Variants in HLA-DRB1 observed in about 807,000 individuals in gnomAD.
HLA-DRB1 encodes the protein major histocompatibility complex, class II, DR beta 1.
In HLA-DRB1, 10 loss-of-function variants were observed where a neutral mutation model predicts 27.9. The ratio of observed to expected loss-of-function variants is 0.36; its 90% confidence interval spans 0.22 to 0.61. The LOEUF (loss-of-function observed/expected upper bound fraction) is 0.61, where lower values mean the gene tolerates loss of function less well. Ranked by LOEUF, HLA-DRB1 falls within the 20% of genes least tolerant of loss-of-function variation. The pLI is 0.73. For missense variants in HLA-DRB1, 118 were observed against 306.3 expected (o/e 0.39, Z 4.59); for synonymous variants, 57 against 126.7 (o/e 0.45, Z 3.69).
At position 32,578,847 on chromosome 6, in the gene HLA-DRB1, T is replaced by G. The variant is rs34923246; in HGVS notation, c.*244A>C. 1,203 of 346,612 alleles carry G rather than the reference T, an allele frequency of 3.5e-3. 3 individuals are homozygous for G. The highest frequency in any genetic ancestry group is 0.021 in the Admixed American group (372 of 17,740). The allele number at this position is 346,612 out of a possible 1,614,324, so 21.5% of individuals were successfully genotyped here. On this transcript the variant is annotated 3_prime_UTR_variant, in exon 6 of 6. Transcript: ENST00000360004. ...GTGAATACAGATGCACGGGAGGCCA[T>G]ACGGTTTAGGCAAAGGGGAGCACAA...
intron 2 of HLA-DRB1, among the ~76,000 whole-genome samples, chr6:32,582,936 TA>T (rs1775775538): frequency 7.1e-6 from 1 of 140,138 alleles, no homozygotes; most frequent in Admixed American, 7.4e-5. Context: ...AGATGGATTG[TA>T]GATCATTAAT....
chr6:32,587,404 C>T (rs9270138), intron 1 of HLA-DRB1, among the ~76,000 whole-genome samples: 3,713 of 28,026 alleles, frequency 0.13, 1,507 homozygotes, highest in Middle Eastern at 0.36. Flanking sequence ...AATAAACAAA[C>T]AAATAAATAA....
intron 1 of HLA-DRB1, among the ~76,000 whole-genome samples, chr6:32,588,473 C>T (rs1391103805): frequency 4.0e-5 from 3 of 75,488 alleles, no homozygotes; most frequent in Admixed American, 1.6e-4. Context: ...AAAAAAGTCT[C>T]TTTCAATGAA....
At chr6:32,582,457 C>G (rs9269846) in intron 2 of HLA-DRB1, among the ~76,000 whole-genome samples, 34,688 of 97,488 alleles carry the variant, frequency 0.36, 7,007 homozygotes, top group East Asian at 0.45. Context: ...AAGCAATATG[C>G]ATAGATAAAG....
At chr6:32,586,983 A>G (rs9270105) in intron 1 of HLA-DRB1, among the ~76,000 whole-genome samples, 45,099 of 66,256 alleles carry the variant, frequency 0.68, 18,646 homozygotes, top group Non-Finnish European at 0.7. Context: ...GAAGCCACAA[A>G]CCTGTTTTCC....
At chr6:32,585,758 C>T (rs9283898) in intron 1 of HLA-DRB1, among the ~76,000 whole-genome samples, 41 of 129,672 alleles carry the variant, frequency 3.2e-4, no homozygotes, top group African/African-American at 7.6e-4. Context: ...AAGAAACGGA[C>T]TTTCTATATG....
intron 2 of HLA-DRB1, among the ~76,000 whole-genome samples, chr6:32,582,198 GTTTT>G (rs141131278): frequency 0.39 from 50,818 of 129,504 alleles, 12,320 homozygotes; most frequent in Middle Eastern, 0.52. Flanking sequence ...TCCTGGAAGA[GTTTT>G]TTGATTCTTC....
intron 3 of HLA-DRB1, among the ~76,000 whole-genome samples, chr6:32,581,278 C>A (rs1775431346): frequency 1.8e-5 from 1 of 57,120 alleles, no homozygotes; most frequent in Non-Finnish European, 3.5e-5. Flanking sequence ...AGAGGCAGGG[C>A]CTGGAGCCTG....
intron 1 of HLA-DRB1, among the ~76,000 whole-genome samples, chr6:32,588,389 G>A (rs1415477552): frequency 1.5e-5 from 2 of 135,466 alleles, no homozygotes; most frequent in African/African-American, 2.7e-5. Flanking sequence ...AAGTGGCAGA[G>A]GTTGCAGTGA....
chr6:32,589,216 A>ATG (rs1776994303), intron 1 of HLA-DRB1, among the ~76,000 whole-genome samples: 1 of 119,880 alleles, frequency 8.3e-6, no homozygotes, highest in Non-Finnish European at 1.7e-5. Flanking sequence ...TCCTGTGGGG[A>ATG]ACCTAACACT....
In HLA-DRB1 at chr6:32,581,849, AACAACGTAGAGGG is replaced by A. The variant is rs759188166; in HGVS notation, c.371-24_371-12del. 21 of 1,057,614 alleles carry A rather than the reference AACAACGTAGAGGG, an allele frequency of 2.0e-5. No homozygotes were observed. Among genetic ancestry groups the A allele is most frequent in the Non-Finnish European group, 2.7e-5 (20 of 730,362 alleles). The allele number at this position is 1,057,614 out of a possible 1,614,324, so 65.5% of individuals were successfully genotyped here. ...TCACCTTAGGTTGGACTAGGAGAAAAACAACGTAGAGGGAATGAGTCAGGAAGACAGAGTAAGT... is the reference window on the plus strand; with the variant it reads ...TCACCTTAGGTTGGACTAGGAGAAAAAATGAGTCAGGAAGACAGAGTAAGT... On this transcript the variant is annotated splice_polypyrimidine_tract_variant and intron_variant, in intron 2 of 5. Coordinates refer to ENST00000360004, the Ensembl canonical transcript of HLA-DRB1.
At chr6:32,584,705 C>CTCCA (rs9281876) in intron 1 of HLA-DRB1, among the ~76,000 whole-genome samples, 12 of 103,586 alleles carry the variant, frequency 1.2e-4, no homozygotes, top group East Asian at 2.8e-4. Flanking sequence ...TCCTGGGAGC[C>CTCCA]CCAAAGACAC....
intron 2 of HLA-DRB1, among the ~76,000 whole-genome samples, 188 bp from the exon 3 acceptor site, chr6:32,582,026 G>A (rs371009698): frequency 0.012 from 1,306 of 111,758 alleles, 26 homozygotes; most frequent in Middle Eastern, 0.044. Flanking sequence ...CATTAGATTT[G>A]AGAGGTGTTG....
exon 6 of HLA-DRB1, chr6:32,579,077 TG>T (rs68069105): frequency 0.1 from 70,076 of 690,498 alleles, 19,640 homozygotes; most frequent in African/African-American, 0.32. Context: ...TCCTTGAATG[TG>T]GTCATCTGCA....
intron 1 of HLA-DRB1, among the ~76,000 whole-genome samples, chr6:32,587,599 C>T (rs9270152): frequency 0.26 from 16,733 of 65,596 alleles, 3,347 homozygotes; most frequent in Admixed American, 0.27. Flanking sequence ...TCCCCCGATT[C>T]GGTCTCCCTG....
At chr6:32,582,787 G>A (rs1775749257) in intron 2 of HLA-DRB1, among the ~76,000 whole-genome samples, 1 of 128,070 alleles carries the variant, frequency 7.8e-6, no homozygotes, top group Non-Finnish European at 1.7e-5. Flanking sequence ...TTTGGATTAA[G>A]GCAGTGTCTG....
intron 2 of HLA-DRB1, among the ~76,000 whole-genome samples, chr6:32,582,937 A>G (rs35161426): frequency 0.044 from 5,129 of 116,812 alleles, no homozygotes; most frequent in Admixed American, 0.079. Context: ...GATGGATTGT[A>G]GATCATTAAT....
chr6:32,586,657 C>T lies in HLA-DRB1; in HGVS notation c.101-2279G>A, dbSNP rs115208602. Among the ~76,000 whole-genome samples, 259 of 43,474 alleles carry T rather than the reference C, an allele frequency of 6.0e-3. 2 individuals are homozygous for T. Among genetic ancestry groups the T allele is most frequent in the Middle Eastern group, 0.016 (1 of 62 alleles). 28.5% of individuals were successfully genotyped at this position (43,474 alleles called of 152,430 possible). A position where few individuals can be genotyped will look rare whatever the true frequency, so the allele number is the denominator to read the frequency against. ...CGTATTGCTGCTGCCAACATAAATACCTGAAGCCCTGGCCTCACCATGAGT... is the reference window on the plus strand; with the variant it reads ...CGTATTGCTGCTGCCAACATAAATATCTGAAGCCCTGGCCTCACCATGAGT... On this transcript the variant is annotated intron_variant, in intron 1 of 5. Transcript: ENST00000360004.
chr6:32,588,031 G>A (rs35934442), intron 1 of HLA-DRB1, among the ~76,000 whole-genome samples: 10,168 of 139,202 alleles, frequency 0.073, 8 homozygotes, highest in Admixed American at 0.12. Context: ...TCATTTTAAT[G>A]TCACACTAGA....
Sources: gnomAD v4.1 joint callset for allele counts (sites outside exome capture counted in the v4.1 genomes callset) on GRCh38, gnomAD v4.1.1 for gene constraint, MANE v1.5 for transcripts, NCBI Gene and HGNC (gene_info 2026-07-23, HGNC 2026-07-21) for gene names.